TCF4: variants seen among roughly 807,000 people sequenced by gnomAD.
TCF4 encodes SL3-3 enhancer factor 2.
Under a neutral mutation model 82.1 loss-of-function variants are expected in TCF4, and 3 were observed. The observed-to-expected ratio is 0.04, with a 90% confidence interval of 0.02 to 0.09. TCF4 has a LOEUF of 0.09. TCF4 is among the 10% of genes least tolerant of loss of function. TCF4 has a pLI of 1.00. For synonymous variants in TCF4, 276 were observed against 309.6 expected, an observed-to-expected ratio of 0.89 and a Z score of 1.14; for missense variants, 518 against 852.7, an observed-to-expected ratio of 0.61 and a Z score of 4.89.
chr18:55,395,350 C>G (rs1201242696), intron 6 of TCF4, among the ~76,000 whole-genome samples: 1 of 152,136 alleles, frequency 6.6e-6, no homozygotes, highest in Non-Finnish European at 1.5e-5. Context: ...AACTGTAGTC[C>G]TAATTGCTAG....
At chr18:55,489,595 A>T (rs927429669) in intron 3 of TCF4, among the ~76,000 whole-genome samples, 1 of 152,304 alleles carries the variant, frequency 6.6e-6, no homozygotes, top group African/African-American at 2.4e-5. Flanking sequence ...ACCAAAAAAA[A>T]TAGCTGAAGA....
rs368049891 is a variant in TCF4, at chr18:55,235,139, A to AT, written c.1351-457dup. Among the ~76,000 whole-genome samples, 577 of 147,746 alleles carry AT rather than the reference A, an allele frequency of 3.9e-3. 6 individuals carry two copies. The highest frequency in any genetic ancestry group is 0.01 in the African/African-American group (423 of 40,444). ...AGGGGATAAGATTCTCAGGCCTGCC[A>AT]TTTTTTTTTTTCCATAATGCCAGCT... On this transcript the variant is annotated intron_variant, in intron 15 of 19. Transcript: ENST00000354452.
chr18:55,635,849 G>A (rs2097735880), exon 1 of TCF4: 2 of 1,566,150 alleles, frequency 1.3e-6, no homozygotes, highest in South Asian at 2.3e-5. Context: ...AAGATGAAGG[G>A]AAAGAGGAGA....
intron 3 of TCF4, among the ~76,000 whole-genome samples, chr18:55,564,738 A>G (rs1200474203): frequency 6.6e-6 from 1 of 152,204 alleles, no homozygotes; most frequent in Admixed American, 6.5e-5. Flanking sequence ...GTGAGCTGTC[A>G]TCTTGGAAAC....
intron 2 of TCF4, among the ~76,000 whole-genome samples, chr18:55,598,070 C>A (rs898609385): frequency 6.6e-6 from 1 of 152,170 alleles, no homozygotes; most frequent in African/African-American, 2.4e-5. Flanking sequence ...CACCCAAACC[C>A]CTGACAAACT....
intron 2 of TCF4, among the ~76,000 whole-genome samples, chr18:55,610,613 G>A (rs2097706138): frequency 6.6e-6 from 1 of 152,112 alleles, no homozygotes; most frequent in South Asian, 2.1e-4. Context: ...TCCAAATTCA[G>A]AAGATGATAA....
intron 3 of TCF4, among the ~76,000 whole-genome samples, chr18:55,499,484 A>C (rs1156259636): frequency 6.6e-6 from 1 of 152,240 alleles, no homozygotes; most frequent in African/African-American, 2.4e-5. Flanking sequence ...AAAGAAAACT[A>C]GACTTTTTCA....
At chr18:55,279,447 C>A (rs867540360) in intron 9 of TCF4, 104 bp downstream of exon 9, 2 of 1,548,746 alleles carry the variant, frequency 1.3e-6, no homozygotes, top group Middle Eastern at 4.5e-4. Flanking sequence ...TTCAAAAATT[C>A]TACACTTGCC....
upstream of TCF4, chr18:55,591,204 C>T (rs142837121): frequency 6.6e-6 from 1 of 152,316 alleles, no homozygotes; most frequent in Non-Finnish European, 1.5e-5. Flanking sequence ...TCTTCCATCC[C>T]CATTCGGTGT....
chr18:55,344,339 G>A (rs560011185), intron 8 of TCF4, among the ~76,000 whole-genome samples: 11 of 152,218 alleles, frequency 7.2e-5, no homozygotes, highest in South Asian at 2.1e-4. Context: ...ACATTATTTC[G>A]TAAATATAAA....
At chr18:55,441,726 A>G (rs1358747738) in intron 5 of TCF4, among the ~76,000 whole-genome samples, 1 of 152,198 alleles carries the variant, frequency 6.6e-6, no homozygotes, top group Non-Finnish European at 1.5e-5. Flanking sequence ...TAATCGTATA[A>G]TAAGTAAGAT....
At chr18:55,524,293 A>G (rs1254656620) in intron 3 of TCF4, among the ~76,000 whole-genome samples, 2 of 152,140 alleles carry the variant, frequency 1.3e-5, no homozygotes, top group Non-Finnish European at 2.9e-5. Flanking sequence ...CACCTTATTA[A>G]TCAAATCTTA....
chr18:55,546,942 G>A (rs1228760431), intron 3 of TCF4: 1 of 152,218 alleles, frequency 6.6e-6, no homozygotes, highest in Non-Finnish European at 1.5e-5. Context: ...GAGAAAAATG[G>A]AGAAAAAGAA....
intron 8 of TCF4, among the ~76,000 whole-genome samples, chr18:55,325,128 A>G (rs1031321972): frequency 7.9e-5 from 12 of 152,254 alleles, no homozygotes; most frequent in African/African-American, 2.9e-4. Context: ...TAACTGCATT[A>G]AAGAATAAGT....
At chr18:55,587,940 G>A (rs1202031411) in intron 1 of TCF4, 98 bp downstream of exon 1, 2 of 939,654 alleles carry the variant, frequency 2.1e-6, no homozygotes, top group Admixed American at 1.3e-4. Flanking sequence ...GGAGCCCGCG[G>A]CGCGGGAGGC....
At chr18:55,620,510 T>C (rs559876652) in intron 2 of TCF4, among the ~76,000 whole-genome samples, 1 of 152,316 alleles carries the variant, frequency 6.6e-6, no homozygotes, top group Non-Finnish European at 1.5e-5. Context: ...GGTTGTTTCA[T>C]TACATGTGTT....
At chr18:55,431,629 G>T (rs753374769) in intron 5 of TCF4, among the ~76,000 whole-genome samples, 9 of 152,102 alleles carry the variant, frequency 5.9e-5, no homozygotes, top group Non-Finnish European at 1.3e-4. Flanking sequence ...CCTGACCCAT[G>T]CAGGGCTTTG....
intron 8 of TCF4, among the ~76,000 whole-genome samples, chr18:55,291,012 G>T (rs1178222301): frequency 6.6e-6 from 1 of 151,982 alleles, no homozygotes; most frequent in Non-Finnish European, 1.5e-5. Context: ...AAATCAAAAG[G>T]ACTTTTCTCA....
intron 14 of TCF4, among the ~76,000 whole-genome samples, 195 bp from the exon 15 acceptor site, chr18:55,254,895 T>C (rs745562131): frequency 5.3e-5 from 8 of 152,236 alleles, no homozygotes; most frequent in Non-Finnish European, 1.2e-4. Context: ...GTTAAAATTA[T>C]AGTGTTATTT....
Sources: allele counts gnomAD v4.1 joint callset (sites outside exome capture counted in the v4.1 genomes callset), GRCh38; gene constraint gnomAD v4.1.1; transcripts MANE v1.5; gene names NCBI Gene and HGNC (gene_info 2026-07-23, HGNC 2026-07-21).